The following PCDHGB2 variants were observed in gnomAD, a reference collection of about 807,000 sequenced individuals.
The protein encoded by PCDHGB2 is protocadherin gamma-B2.
A neutral mutation model predicts 59.3 loss-of-function variants in PCDHGB2; 55 were observed. That is an observed-to-expected ratio of 0.93 (90% CI 0.75 to 1.16). PCDHGB2 has a LOEUF of 1.16. Ranked by LOEUF, PCDHGB2 falls within the 50% of genes most tolerant of loss-of-function variation. The pLI, the probability that PCDHGB2 is intolerant of heterozygous loss-of-function variation, is 0.00. For synonymous variants in PCDHGB2, 516 were observed against 512.0 expected (o/e 1.01, Z -0.11); for missense variants, 1,228 against 1,198.5 (o/e 1.02, Z -0.36).
chr5:141,448,983 T>G (rs1157371020), intron 1 of PCDHGB2, among the ~76,000 whole-genome samples: 1 of 152,004 alleles, frequency 6.6e-6, no homozygotes, highest in East Asian at 1.9e-4. Flanking sequence ...ACTTCCATAT[T>G]AATATATAGA....
At chr5:141,441,827 A>G (rs1344314632) in intron 1 of PCDHGB2, 1 of 355,628 alleles carries the variant, frequency 2.8e-6, no homozygotes, top group Non-Finnish European at 5.6e-6. Flanking sequence ...CTGGAGCGCA[A>G]TGGCTTCGCG....
intron 1 of PCDHGB2, chr5:141,405,141 A>G (rs749502643): frequency 6.2e-7 from 1 of 1,613,980 alleles, no homozygotes; most frequent in South Asian, 1.1e-5. Flanking sequence ...GCTACCAGTG[A>G]TGGGTTGGCT....
chr5:141,432,745 G>A lies in PCDHGB2; in HGVS notation c.2422-62062G>A, dbSNP rs138883931. ...TCTCCGCCACTGTCACGCTCACCGT[G>A]GCCGTGGCCGACAGCATCCCCCAAG... On this transcript the variant is annotated intron_variant, in intron 1 of 3. Coordinates refer to ENST00000522605, the MANE Select transcript of PCDHGB2 (RefSeq NM_018923.3). This position sits in a 1 kb window ranked among gnomAD's most constrained non-coding sequence, Gnocchi z 6.0. 311 of 1,614,110 alleles carry A rather than the reference G, an allele frequency of 1.9e-4. No individual in the cohort carries two copies. The African/African-American group carries it at 3.5e-3, about 18-fold the overall frequency.
At chr5:141,388,529 G>A in intron 1 of PCDHGB2, 1 of 1,613,814 alleles carries the variant, frequency 6.2e-7, no homozygotes, top group South Asian at 1.1e-5. Context: ...TGACTGCCTT[G>A]GACTTTGGAG....
In PCDHGB2 at chr5:141,489,561, G is replaced by A. The variant is rs1750812409; in HGVS notation, c.2422-5246G>A. 6.2e-7 allele frequency: 1 copy of A among 1,614,106 alleles called. No homozygotes were observed. Among genetic ancestry groups the A allele is most frequent in the Non-Finnish European group, 8.5e-7 (1 of 1,180,026 alleles). On this transcript the variant is annotated intron_variant, in intron 1 of 3. Coordinates refer to ENST00000522605, the MANE Select transcript of PCDHGB2 (RefSeq NM_018923.3). The surrounding 1 kb of genome is among the most constrained non-coding windows in gnomAD (Gnocchi z 4.5). Reference sequence around the variant, plus strand: ...GCACCAGCTGCCTGCTGCCAGTGCAGGTGGTGACTGAACACCCCCTGGAGC... The same window carrying A: ...GCACCAGCTGCCTGCTGCCAGTGCAAGTGGTGACTGAACACCCCCTGGAGC...
intron 1 of PCDHGB2, chr5:141,427,865 G>T: frequency 6.4e-7 from 1 of 1,558,148 alleles, no homozygotes; most frequent in Non-Finnish European, 8.8e-7. Context: ...GCGCCTTCGA[G>T]CTCACGATGC....
At chr5:141,416,929 C>T (rs1184470714) in intron 1 of PCDHGB2, 1 of 151,960 alleles carries the variant, frequency 6.6e-6, no homozygotes. Flanking sequence ...TAGTTATTAA[C>T]TATTAAACCA....
intron 1 of PCDHGB2, chr5:141,430,796 C>T (rs1347347402): frequency 6.6e-6 from 10 of 1,522,232 alleles, no homozygotes; most frequent in Non-Finnish European, 8.8e-6. Flanking sequence ...CTACAAAGGG[C>T]TTGTCCTGCT....
intron 1 of PCDHGB2, chr5:141,408,141 C>G: frequency 1.3e-6 from 2 of 1,492,116 alleles, no homozygotes; most frequent in Non-Finnish European, 1.8e-6. Context: ...GCTCTTTTAG[C>G]GCGGTAGAGT....
chr5:141,383,510 A>G (rs1390731022), intron 1 of PCDHGB2: 1 of 1,612,804 alleles, frequency 6.2e-7, no homozygotes, highest in Admixed American at 1.7e-5. Context: ...GACCGGGAGG[A>G]AGAGCGGGTT....
chr5:141,456,703 G>A (rs528071544), intron 1 of PCDHGB2, among the ~76,000 whole-genome samples: 37 of 152,180 alleles, frequency 2.4e-4, no homozygotes, highest in Non-Finnish European at 4.9e-4. Context: ...GGTGGCTCGC[G>A]CCTGTAATCC....
rs1178101439 is a variant in PCDHGB2, at chr5:141,443,790, T to C, written c.2422-51017T>C. On this transcript the variant is annotated intron_variant, in intron 1 of 3. Coordinates refer to ENST00000522605, the MANE Select transcript of PCDHGB2 (RefSeq NM_018923.3). Reference sequence around the variant, plus strand: ...AATATTACCAAAAAGACAAAAAAAATGAAAAGGAAACAGTTACCTTTGGAA... The same window carrying C: ...AATATTACCAAAAAGACAAAAAAAACGAAAAGGAAACAGTTACCTTTGGAA... Among the ~76,000 whole-genome samples, 6 of 151,950 alleles carry C rather than the reference T, an allele frequency of 3.9e-5. No homozygotes were observed. The East Asian group carries it at 1.2e-3, about 29-fold the overall frequency.
rs773942024 is a variant in PCDHGB2, at chr5:141,433,234, C to G, written c.2422-61573C>G. 3.3e-6 allele frequency: 5 copies of G among 1,512,860 alleles called. No homozygotes were observed. In the South Asian group the frequency reaches 5.0e-5, roughly 15 times the overall value. The allele number at this position is 1,512,860 out of a possible 1,614,324, so 93.7% of individuals were successfully genotyped here. A position where few individuals can be genotyped will look rare whatever the true frequency, so the allele number is the denominator to read the frequency against. On this transcript the variant is annotated intron_variant, in intron 1 of 3. Coordinates refer to ENST00000522605, the MANE Select transcript of PCDHGB2 (RefSeq NM_018923.3). ...TTTTTTTTTTTTAATTGCTCTGTCT[C>G]CCAAGCTGGAATGCAGCGGTACGAT...
chr5:141,387,560 C>A, intron 1 of PCDHGB2: 1 of 421,856 alleles, frequency 2.4e-6, no homozygotes, highest in East Asian at 3.8e-5. Context: ...CAGTTAGGCA[C>A]ACAATTATAA....
At chr5:141,414,220 C>T in intron 1 of PCDHGB2, 1 of 1,613,094 alleles carries the variant, frequency 6.2e-7, no homozygotes, top group Non-Finnish European at 8.5e-7. Flanking sequence ...TGACAACAGT[C>T]CAGAGCTGAC....
At chr5:141,500,436 C>G (rs1318326111) in intron 2 of PCDHGB2, among the ~76,000 whole-genome samples, 2 of 151,836 alleles carry the variant, frequency 1.3e-5, no homozygotes, top group African/African-American at 2.4e-5. Flanking sequence ...GTCTCGATCT[C>G]CTGACCTCGT....
chr5:141,461,961 T>C (rs914134151), intron 1 of PCDHGB2, among the ~76,000 whole-genome samples: 3 of 152,192 alleles, frequency 2.0e-5, no homozygotes, highest in African/African-American at 7.2e-5. Context: ...GTAGCTGGGA[T>C]TCCAGGCATA....
Position 141,431,592 on chromosome 5 carries a change from G to A in PCDHGB2, c.2422-63215G>A, listed in dbSNP as rs1429358254. 2.5e-6 allele frequency: 4 copies of A among 1,614,100 alleles called. No individual in the cohort carries two copies. The Admixed American group carries it at 6.7e-5, about 27-fold the overall frequency. The stretch of plus-strand genomic sequence containing the variant: ...GACGAAGGAGTCAATGCGGAAGTGA[G>A]GTATTCCTTCCGGTATGTGGACGAC... On this transcript the variant is annotated intron_variant, in intron 1 of 3. Transcript: ENST00000522605. The surrounding 1 kb of genome is among the most constrained non-coding windows in gnomAD (Gnocchi z 4.8).
chr5:141,398,683 C>A, intron 1 of PCDHGB2: 1 of 1,613,914 alleles, frequency 6.2e-7, no homozygotes, highest in Non-Finnish European at 8.5e-7. Flanking sequence ...TAAGGAGAAA[C>A]AGGATGGTAG....
Sources: gnomAD v4.1 joint callset for allele counts (sites outside exome capture counted in the v4.1 genomes callset) on GRCh38, gnomAD v4.1.1 for gene constraint, Gnocchi (gnomAD v3.1) non-coding constraint, MANE v1.5 for transcripts, NCBI Gene and HGNC (gene_info 2026-07-23, HGNC 2026-07-21) for gene names.